The following PCCA variants were observed in gnomAD, a reference collection of about 807,000 sequenced individuals.
PCCA encodes the protein propionyl-CoA carboxylase alpha chain, mitochondrial.
In PCCA, 74 loss-of-function variants were observed where a neutral mutation model predicts 101.3. That is an observed-to-expected ratio of 0.73 (90% CI 0.61 to 0.89). PCCA has a LOEUF of 0.89. Ranked by LOEUF, PCCA falls within the 40% of genes least tolerant of loss-of-function variation. The pLI, the probability that PCCA is intolerant of heterozygous loss-of-function variation, is 0.00. For missense variants in PCCA, 891 were observed against 907.0 expected, an observed-to-expected ratio of 0.98 and a Z score of 0.23; for synonymous variants, 294 against 313.6, an observed-to-expected ratio of 0.94 and a Z score of 0.66.
intron 11 of PCCA, among the ~76,000 whole-genome samples, chr13:100,271,223 A>G (rs1176029261): frequency 2.0e-5 from 3 of 152,144 alleles, no homozygotes; most frequent in African/African-American, 7.2e-5. Context: ...TTTTAGTTGC[A>G]TTAATTTTGT....
intron 6 of PCCA, among the ~76,000 whole-genome samples, chr13:100,167,868 G>C (rs1157859310): frequency 1.3e-5 from 2 of 152,092 alleles, no homozygotes; most frequent in Non-Finnish European, 2.9e-5. Flanking sequence ...CCGGGTTCAT[G>C]CCATTCTCCT....
At chr13:100,489,115 CT>C (rs2084669711) in intron 21 of PCCA, among the ~76,000 whole-genome samples, 1 of 151,916 alleles carries the variant, frequency 6.6e-6, no homozygotes, top group Non-Finnish European at 1.5e-5. Flanking sequence ...ACCATCCTGG[CT>C]AACATGGTGA....
intron 19 of PCCA, among the ~76,000 whole-genome samples, chr13:100,380,032 A>AAC (rs140284754): frequency 0.033 from 5,000 of 149,628 alleles, 233 homozygotes; most frequent in African/African-American, 0.11. Flanking sequence ...AAGTAATCTA[A>AAC]ACACACACAC....
intron 19 of PCCA, among the ~76,000 whole-genome samples, chr13:100,412,539 A>C (rs2078117203): frequency 6.6e-6 from 1 of 152,234 alleles, no homozygotes; most frequent in Non-Finnish European, 1.5e-5. Flanking sequence ...TAGGTGCAAT[A>C]AAAGGACACT....
chr13:100,358,439 A>G (rs1389416080), intron 18 of PCCA, among the ~76,000 whole-genome samples: 1 of 152,238 alleles, frequency 6.6e-6, no homozygotes, highest in African/African-American at 2.4e-5. Context: ...TAAAGTAGCT[A>G]TTAAAATCAT....
chr13:100,229,919 C>T (rs1437536944), intron 7 of PCCA, among the ~76,000 whole-genome samples: 1 of 152,190 alleles, frequency 6.6e-6, no homozygotes, highest in Non-Finnish European at 1.5e-5. Flanking sequence ...AGTCCCTGCC[C>T]TGAACCCCTG....
At chr13:100,405,034 A>T (rs1245506285) in intron 19 of PCCA, among the ~76,000 whole-genome samples, 3 of 152,108 alleles carry the variant, frequency 2.0e-5, no homozygotes, top group African/African-American at 7.2e-5. Context: ...TGGACTCCTT[A>T]CCATAAGTGG....
chr13:100,484,485 G>A (rs112661247), intron 21 of PCCA, among the ~76,000 whole-genome samples: 1 of 152,166 alleles, frequency 6.6e-6, no homozygotes, highest in Non-Finnish European at 1.5e-5. Context: ...TGTTCTGGTC[G>A]CCTCTGCACT....
intron 12 of PCCA, among the ~76,000 whole-genome samples, chr13:100,283,790 A>G (rs2064335272): frequency 6.6e-6 from 1 of 152,380 alleles, no homozygotes; most frequent in South Asian, 2.1e-4. Context: ...GGAGCAGGCC[A>G]ATCACCTGGT....
chr13:100,375,671 A>G (rs911955506), intron 19 of PCCA, among the ~76,000 whole-genome samples: 1 of 152,336 alleles, frequency 6.6e-6, no homozygotes, highest in South Asian at 2.1e-4. Context: ...AAAAACCAGT[A>G]CCAGCCACTG....
chr13:100,160,718 G>C (rs2054378368), intron 6 of PCCA: 1 of 152,136 alleles, frequency 6.6e-6, no homozygotes, highest in Admixed American at 6.5e-5. Context: ...GGGAGACTAT[G>C]AGGATTGTTA....
chr13:100,212,000 A>G (rs909928851), intron 7 of PCCA, among the ~76,000 whole-genome samples: 5 of 152,172 alleles, frequency 3.3e-5, no homozygotes, highest in African/African-American at 7.2e-5. Context: ...TCGGCCTCCC[A>G]AAGTGCTGGG....
At chr13:100,210,319 A>G (rs1379079290) in intron 7 of PCCA, among the ~76,000 whole-genome samples, 1 of 152,226 alleles carries the variant, frequency 6.6e-6, no homozygotes, top group African/African-American at 2.4e-5. Context: ...AAAGAGTGAG[A>G]AACTGTTTGA....
At chr13:100,390,752 G>A (rs1402761232) in intron 19 of PCCA, among the ~76,000 whole-genome samples, 1 of 152,132 alleles carries the variant, frequency 6.6e-6, no homozygotes, top group Non-Finnish European at 1.5e-5. Flanking sequence ...TTTATCCATT[G>A]GATTTAGTGA....
At chr13:100,372,322 A>G (rs1338734943) in intron 19 of PCCA, among the ~76,000 whole-genome samples, 2 of 152,142 alleles carry the variant, frequency 1.3e-5, no homozygotes, top group African/African-American at 2.4e-5. Context: ...ACTGCACTCC[A>G]TTCTAGGTGA....
At chr13:100,314,526 C>T (rs2067180954) in intron 16 of PCCA, among the ~76,000 whole-genome samples, 1 of 152,170 alleles carries the variant, frequency 6.6e-6, no homozygotes, top group Non-Finnish European at 1.5e-5. Flanking sequence ...CCTCTGGCCA[C>T]CTGCTCCCAT....
chr13:100,429,770 C>G (rs896670395), intron 20 of PCCA, among the ~76,000 whole-genome samples: 10 of 151,850 alleles, frequency 6.6e-5, no homozygotes, highest in African/African-American at 2.2e-4. Context: ...CCATGCCTCG[C>G]TAATTTTTGT....
chr13:100,178,580 T>G (rs1409978597), intron 6 of PCCA, among the ~76,000 whole-genome samples: 1 of 152,156 alleles, frequency 6.6e-6, no homozygotes, highest in Non-Finnish European at 1.5e-5. Context: ...ACAGAATCTC[T>G]TAAGATGCAC....
intron 18 of PCCA, among the ~76,000 whole-genome samples, chr13:100,340,779 A>G (rs1450461769): frequency 6.6e-6 from 1 of 152,214 alleles, no homozygotes; most frequent in Non-Finnish European, 1.5e-5. Flanking sequence ...ACAAAACCTC[A>G]ATGCCATTGG....
Sources: gnomAD v4.1 joint callset for allele counts (sites outside exome capture counted in the v4.1 genomes callset) on GRCh38, gnomAD v4.1.1 for gene constraint, MANE v1.5 for transcripts, NCBI Gene and HGNC (gene_info 2026-07-23, HGNC 2026-07-21) for gene names.